RAB3B: variants seen among roughly 807,000 people sequenced by gnomAD.
The protein encoded by RAB3B is ras-related protein Rab-3B.
Under a neutral mutation model 20.5 loss-of-function variants are expected in RAB3B, and 11 were observed. The ratio of observed to expected loss-of-function variants is 0.54; its 90% confidence interval spans 0.34 to 0.89. The LOEUF is 0.89. Among genes scored for constraint, RAB3B ranks in the 40% least tolerant of loss-of-function variants. The pLI, the probability that RAB3B is intolerant of heterozygous loss-of-function variation, is 0.02. For missense variants in RAB3B, 225 were observed against 280.9 expected, an observed-to-expected ratio of 0.80 and a Z score of 1.42; for synonymous variants, 99 against 106.3, an observed-to-expected ratio of 0.93 and a Z score of 0.42.
At chr1:51,959,175 G>C (rs1412264890) in intron 2 of RAB3B, among the ~76,000 whole-genome samples, 27 of 152,138 alleles carry the variant, frequency 1.8e-4, no homozygotes, top group Admixed American at 1.7e-3. Context: ...TCCCAGAAGA[G>C]ATGATACTTG....
intron 4 of RAB3B, among the ~76,000 whole-genome samples, chr1:51,927,203 A>C (rs1212596641): frequency 1.3e-5 from 2 of 152,194 alleles, no homozygotes; most frequent in East Asian, 3.9e-4. Flanking sequence ...TAAGCAAGGC[A>C]GTGTATGAGA....
intron 3 of RAB3B, among the ~76,000 whole-genome samples, chr1:51,934,896 TC>T (rs371674635): frequency 7.2e-4 from 109 of 152,086 alleles, no homozygotes; most frequent in Middle Eastern, 6.8e-3. Context: ...AAAAGGACTC[TC>T]TTATATTATG....
intron 3 of RAB3B, among the ~76,000 whole-genome samples, chr1:51,933,979 G>A (rs1335834910): frequency 2.0e-5 from 3 of 152,200 alleles, no homozygotes; most frequent in African/African-American, 4.8e-5. Context: ...AGCCCTAGCT[G>A]CAAACCTCAT....
At chr1:51,983,770 G>A (rs891650779) in intron 1 of RAB3B, among the ~76,000 whole-genome samples, 5 of 152,008 alleles carry the variant, frequency 3.3e-5, no homozygotes, top group African/African-American at 1.2e-4. Context: ...GATCAGCCTG[G>A]CCAACATGGT....
intron 2 of RAB3B, among the ~76,000 whole-genome samples, chr1:51,949,621 G>A (rs1034653740): frequency 6.6e-6 from 1 of 152,230 alleles, no homozygotes; most frequent in Non-Finnish European, 1.5e-5. Context: ...AGGGGAAGGT[G>A]GCAGTGCCCA....
At chr1:51,952,785 C>T (rs1684657739) in intron 2 of RAB3B, among the ~76,000 whole-genome samples, 1 of 152,090 alleles carries the variant, frequency 6.6e-6, no homozygotes, top group Non-Finnish European at 1.5e-5. Context: ...AAATTAAAAA[C>T]ATGACATCAC....
At position 51,916,220 on chromosome 1, in the gene RAB3B, T is replaced by C. The variant is rs973434905; in HGVS notation, c.*3707A>G. On this transcript the variant is annotated 3_prime_UTR_variant, in exon 5 of 5. Coordinates refer to ENST00000371655, the MANE Select transcript of RAB3B (RefSeq NM_002867.4). ...GCTGCCATCTCACAAGCAGGTCTGG[T>C]TGTCTGTTGCCCAGTAGACAAGCTT... The C allele has an allele frequency of 4.6e-5, 7 of 152,242 alleles. No individual in the cohort carries two copies. Among genetic ancestry groups the C allele is most frequent in the African/African-American group, 1.7e-4 (7 of 41,466 alleles). The allele number at this position is 152,242 out of a possible 1,614,324, so 9.4% of individuals were successfully genotyped here. A position where few individuals can be genotyped will look rare whatever the true frequency, so the allele number is the denominator to read the frequency against.
chr1:51,924,755 C>T (rs189733069), intron 4 of RAB3B, among the ~76,000 whole-genome samples: 70 of 152,292 alleles, frequency 4.6e-4, no homozygotes, highest in Non-Finnish European at 9.4e-4. Flanking sequence ...AGAATAACCC[C>T]AAATGCACCC....
At chr1:51,981,573 A>G (rs1048816971) in intron 1 of RAB3B, among the ~76,000 whole-genome samples, 1 of 152,218 alleles carries the variant, frequency 6.6e-6, no homozygotes, top group African/African-American at 2.4e-5. Flanking sequence ...TTCTATGCAT[A>G]TTGTAATAGC....
intron 2 of RAB3B, among the ~76,000 whole-genome samples, chr1:51,971,418 C>T (rs1557975719): frequency 6.6e-6 from 1 of 151,388 alleles, no homozygotes; most frequent in Non-Finnish European, 1.5e-5. Context: ...ATACACTATG[C>T]TTTTTCTTTT....
intron 1 of RAB3B, among the ~76,000 whole-genome samples, chr1:51,981,688 A>AT (rs1685090284): frequency 1.4e-5 from 2 of 141,550 alleles, no homozygotes; most frequent in Non-Finnish European, 3.2e-5. Context: ...ACAACATTTC[A>AT]GTCAATGACA....
chr1:51,937,996 CTTTTTTTTTTT>C (rs77664152), intron 2 of RAB3B, among the ~76,000 whole-genome samples: 6 of 88,730 alleles, frequency 6.8e-5, no homozygotes, highest in East Asian at 7.0e-4. Flanking sequence ...ATTTTTGTTT[CTTTTTTTTTTT>C]TTTTTTTTTT....
chr1:51,927,173 G>A (rs1405089635), intron 4 of RAB3B, among the ~76,000 whole-genome samples: 1 of 151,994 alleles, frequency 6.6e-6, no homozygotes, highest in African/African-American at 2.4e-5. Flanking sequence ...CACACACACA[G>A]ATTTATTGAG....
Position 51,916,574 on chromosome 1 carries a change from G to A in RAB3B, c.*3353C>T, listed in dbSNP as rs1684088635. ...CTGAAGCAACTGTATTATACCCATG[G>A]TCAGAAAAGTTAATCAAGTCACTCT... On this transcript the variant is annotated 3_prime_UTR_variant, in exon 5 of 5. Transcript: ENST00000371655. 1 of 152,196 alleles carries A rather than the reference G, an allele frequency of 6.6e-6. No homozygotes were observed. Among genetic ancestry groups the A allele is most frequent in the Non-Finnish European group, 1.5e-5 (1 of 68,052 alleles). The allele number at this position is 152,196 out of a possible 1,614,324, so 9.4% of individuals were successfully genotyped here.
intron 4 of RAB3B, among the ~76,000 whole-genome samples, chr1:51,930,629 A>G (rs1045249367): frequency 1.3e-5 from 2 of 152,248 alleles, no homozygotes; most frequent in Non-Finnish European, 2.9e-5. Context: ...TAGAGGGATT[A>G]AATTAGATGC....
At chr1:51,972,591 A>G (rs1383289800) in intron 2 of RAB3B, among the ~76,000 whole-genome samples, 1 of 150,778 alleles carries the variant, frequency 6.6e-6, no homozygotes, top group Admixed American at 6.6e-5. Flanking sequence ...ATGATGTCAT[A>G]AGAGTGAGTT....
At chr1:51,955,937 C>T (rs1684701715) in intron 2 of RAB3B, among the ~76,000 whole-genome samples, 1 of 152,126 alleles carries the variant, frequency 6.6e-6, no homozygotes, top group Non-Finnish European at 1.5e-5. Flanking sequence ...GCAGAGTGTT[C>T]TAAAAATAGG....
intron 4 of RAB3B, 76 bp downstream of exon 4, chr1:51,933,242 C>T (rs1684350536): frequency 3.3e-6 from 5 of 1,493,902 alleles, no homozygotes; most frequent in Non-Finnish European, 4.6e-6. Flanking sequence ...TACAAACACA[C>T]TCGTACCCTG....
rs1557958127 is a variant in RAB3B, at chr1:51,912,602, A to ATATAT, written c.*7324_*7325insATATA. Reference sequence around the variant, plus strand: ...ATATATATATATATATATATATATAAAAAATGTTACTCCTGTGAGACAGAA... The same window carrying ATATAT: ...ATATATATATATATATATATATATAATATATAAAATGTTACTCCTGTGAGACAGAA... On this transcript the variant is annotated 3_prime_UTR_variant, in exon 5 of 5. Coordinates refer to ENST00000371655, the MANE Select transcript of RAB3B (RefSeq NM_002867.4). 136 of 16,270 alleles carry ATATAT rather than the reference A, an allele frequency of 8.4e-3. 33 individuals are homozygous for ATATAT. Among genetic ancestry groups the ATATAT allele is most frequent in the South Asian group, 0.015 (6 of 388 alleles). The allele number at this position is 16,270 out of a possible 1,614,324, so 1.0% of individuals were successfully genotyped here. A position where few individuals can be genotyped will look rare whatever the true frequency, so the allele number is the denominator to read the frequency against.
Sources: allele counts gnomAD v4.1 joint callset (sites outside exome capture counted in the v4.1 genomes callset), GRCh38; gene constraint gnomAD v4.1.1; transcripts MANE v1.5; gene names NCBI Gene and HGNC (gene_info 2026-07-23, HGNC 2026-07-21).